The following APBB1IP variants were observed in gnomAD, a reference collection of about 807,000 sequenced individuals.
APBB1IP encodes the protein amyloid beta A4 precursor protein-binding family B member 1-interacting protein.
APBB1IP carries 27 observed loss-of-function variants against 64.9 expected under a neutral mutation model. The observed-to-expected ratio is 0.42, with a 90% CI of 0.31 to 0.57. APBB1IP has a LOEUF of 0.57. Ranked by LOEUF, APBB1IP falls within the 20% of genes least tolerant of loss-of-function variation. APBB1IP has a pLI of 0.20. For missense variants in APBB1IP, 812 were observed against 845.5 expected (o/e 0.96, Z 0.49); for synonymous variants, 392 against 331.0 (o/e 1.18, Z -2.00).
At chr10:26,499,615 T>C (rs10764628) in intron 4 of APBB1IP, among the ~76,000 whole-genome samples, 43,830 of 151,978 alleles carry the variant, frequency 0.29, 6,584 homozygotes, top group East Asian at 0.55. Flanking sequence ...TTACATTCAC[T>C]ATATAATGTA....
intron 8 of APBB1IP, among the ~76,000 whole-genome samples, chr10:26,521,616 C>T (rs1450949291): frequency 6.6e-6 from 1 of 152,188 alleles, no homozygotes; most frequent in East Asian, 1.9e-4. Flanking sequence ...CAACCTCAGA[C>T]GATGGCTCCT....
intron 9 of APBB1IP, 141 bp from the exon 10 acceptor site, chr10:26,535,933 A>C (rs1353613482): frequency 1.3e-6 from 1 of 798,688 alleles, no homozygotes; most frequent in African/African-American, 1.8e-5. Flanking sequence ...ATAGCATATA[A>C]TATAAACATA....
Position 26,501,010 on chromosome 10 carries a change from G to C in APBB1IP, c.352G>C (p.Ala118Pro). The change falls in exon 5 of 15, where the codon GCC becomes CCC. Residue 118 changes from alanine (A) to proline (P), a missense_variant. By Grantham distance (27) the Ala-to-Pro change is conservative. Transcript: ENST00000376236. ...TCTTGGTTATGGAACAAATGTTGCT[G>C]CCACTGGTATCAGCCAATATGAGGA... Reference protein sequence around the residue: ...ASLGYGTNVAATGISQYEDDL... With the variant: ...ASLGYGTNVAPTGISQYEDDL... The C allele has an allele frequency of 6.2e-7, 1 of 1,614,172 alleles. No individual in the cohort carries two copies. The highest frequency in any genetic ancestry group is 8.5e-7 in the Non-Finnish European group (1 of 1,180,028).
At chr10:26,476,572 C>A (rs1470049972) in intron 2 of APBB1IP, among the ~76,000 whole-genome samples, 2 of 151,708 alleles carry the variant, frequency 1.3e-5, no homozygotes, top group Non-Finnish European at 2.9e-5. Context: ...AAGATTCACT[C>A]ATTATTTACA....
chr10:26,533,778 T>C (rs963997344), intron 9 of APBB1IP, among the ~76,000 whole-genome samples: 2 of 152,222 alleles, frequency 1.3e-5, no homozygotes, highest in African/African-American at 4.8e-5. Flanking sequence ...TAAAAACTTC[T>C]AGCATTCCAA....
At chr10:26,534,361 C>A (rs1455147538) in intron 9 of APBB1IP, among the ~76,000 whole-genome samples, 1 of 150,838 alleles carries the variant, frequency 6.6e-6, no homozygotes, top group East Asian at 1.9e-4. Flanking sequence ...GAAATGAGTG[C>A]CAGATCTCAA....
At position 26,467,195 on chromosome 10, in the gene APBB1IP, C is replaced by T. The variant is rs185122243; in HGVS notation, c.1-25132C>T. On this transcript the variant is annotated intron_variant, in intron 2 of 14. Transcript: ENST00000376236. ...TACTGAGATTACAGGCGTGAGCCAC[C>T]GTGCCCAGCCTTCTAATGCATTTTT... is the stretch of plus-strand genomic sequence containing the variant. Among the ~76,000 whole-genome samples the T allele has an allele frequency of 7.2e-5, 11 of 152,188 alleles. No homozygotes were observed. In the East Asian group the frequency reaches 1.4e-3, roughly 19 times the overall value.
intron 2 of APBB1IP, among the ~76,000 whole-genome samples, chr10:26,474,414 A>C (rs1315282496): frequency 6.6e-6 from 1 of 152,250 alleles, no homozygotes; most frequent in Non-Finnish European, 1.5e-5. Flanking sequence ...TAATATGCTC[A>C]TGCTAAGTAA....
chr10:26,535,105 A>G (rs1412862714), intron 9 of APBB1IP, among the ~76,000 whole-genome samples: 2 of 152,096 alleles, frequency 1.3e-5, no homozygotes, highest in Admixed American at 1.3e-4. Context: ...AAATAGAATA[A>G]TATATAATTT....
intron 3 of APBB1IP, among the ~76,000 whole-genome samples, chr10:26,493,986 G>A (rs750718603): frequency 5.9e-5 from 9 of 151,988 alleles, no homozygotes; most frequent in South Asian, 2.1e-4. Flanking sequence ...ACAGGTGCAC[G>A]CCACCACACC....
At chr10:26,477,653 G>T (rs1835790716) in intron 2 of APBB1IP, among the ~76,000 whole-genome samples, 1 of 152,174 alleles carries the variant, frequency 6.6e-6, no homozygotes, top group African/African-American at 2.4e-5. Context: ...ACCAAGGTAG[G>T]CACTATGCTT....
intron 3 of APBB1IP, among the ~76,000 whole-genome samples, chr10:26,494,792 T>A (rs941078903): frequency 3.3e-5 from 5 of 152,054 alleles, no homozygotes; most frequent in African/African-American, 1.2e-4. Context: ...GCCATTGCAC[T>A]CCAGCCTGGG....
intron 2 of APBB1IP, among the ~76,000 whole-genome samples, chr10:26,487,609 T>G (rs1010637002): frequency 7.2e-5 from 11 of 152,040 alleles, no homozygotes; most frequent in Non-Finnish European, 5.9e-5. Flanking sequence ...GGGGAAAGAT[T>G]TTCACCAGAT....
chr10:26,564,565 G>A (rs959615884), intron 14 of APBB1IP, among the ~76,000 whole-genome samples: 14 of 152,200 alleles, frequency 9.2e-5, no homozygotes, highest in Admixed American at 2.6e-4. Context: ...CACTTTGGGA[G>A]GCCGAGGCAG....
chr10:26,462,367 T>A (rs146062166), intron 2 of APBB1IP, among the ~76,000 whole-genome samples: 36 of 152,340 alleles, frequency 2.4e-4, no homozygotes, highest in Middle Eastern at 3.4e-3. Context: ...GAATGATGGT[T>A]GCCATTGGTT....
At chr10:26,533,351 T>A in intron 8 of APBB1IP, 88 bp from the exon 9 acceptor site, 2 of 725,648 alleles carry the variant, frequency 2.8e-6, no homozygotes, top group Non-Finnish European at 4.3e-6. Context: ...ACACTTAACA[T>A]CTTCTTTCCA....
At chr10:26,485,257 A>T (rs2132425237) in intron 2 of APBB1IP, among the ~76,000 whole-genome samples, 1 of 152,324 alleles carries the variant, frequency 6.6e-6, no homozygotes, top group East Asian at 1.9e-4. Context: ...AACGGCTCTG[A>T]TAGTTCTCGG....
At chr10:26,521,108 T>C (rs1836395830) in intron 8 of APBB1IP, among the ~76,000 whole-genome samples, 2 of 152,230 alleles carry the variant, frequency 1.3e-5, no homozygotes, top group South Asian at 4.1e-4. Flanking sequence ...GCTGCTGTTA[T>C]GCACTGTTCC....
At chr10:26,553,558 C>T (rs1157811140) in intron 11 of APBB1IP, among the ~76,000 whole-genome samples, 4 of 152,054 alleles carry the variant, frequency 2.6e-5, no homozygotes, top group East Asian at 3.9e-4. Flanking sequence ...GGTGGCCGAT[C>T]GGGGTGGGAG....
Sources: gnomAD v4.1 joint callset for allele counts (sites outside exome capture counted in the v4.1 genomes callset) on GRCh38, gnomAD v4.1.1 for gene constraint, MANE v1.5 for transcripts, NCBI Gene and HGNC (gene_info 2026-07-23, HGNC 2026-07-21) for gene names.